ARAP2: variants seen among roughly 807,000 people sequenced by gnomAD.
The protein encoded by ARAP2 is arf-GAP with Rho-GAP domain, ANK repeat and PH domain-containing protein 2.
In ARAP2, 148 loss-of-function variants were observed where a neutral mutation model predicts 194.5. The observed-to-expected ratio is 0.76, with a 90% CI of 0.67 to 0.87. The LOEUF (loss-of-function observed/expected upper bound fraction) is 0.87, where lower values mean the gene tolerates loss of function less well. Ranked by LOEUF, ARAP2 falls within the 40% of genes least tolerant of loss-of-function variation. The pLI, the probability that ARAP2 is intolerant of heterozygous loss-of-function variation, is 0.00. For synonymous variants in ARAP2, 695 were observed against 683.5 expected, an observed-to-expected ratio of 1.02 and a Z score of -0.26; for missense variants, 2,128 against 1,989.7, an observed-to-expected ratio of 1.07 and a Z score of -1.32.
intron 5 of ARAP2, among the ~76,000 whole-genome samples, chr4:36,040,349 A>AT (rs1720642350): frequency 6.6e-6 from 1 of 152,194 alleles, no homozygotes; most frequent in African/African-American, 2.4e-5. Context: ...CTGTTGGGAA[A>AT]TTCTTAAGAA....
intron 25 of ARAP2, among the ~76,000 whole-genome samples, chr4:36,116,075 A>C (rs1468818324): frequency 2.0e-5 from 3 of 151,956 alleles, no homozygotes. Flanking sequence ...TATGATCAGC[A>C]TTATGCATTC....
At chr4:36,072,798 A>C (rs967216047) in intron 32 of ARAP2, among the ~76,000 whole-genome samples, 3 of 152,104 alleles carry the variant, frequency 2.0e-5, no homozygotes, top group Admixed American at 6.6e-5. Flanking sequence ...GCAGTAAACA[A>C]AGGACCATTA....
chr4:36,196,734 T>C (rs1185341846), intron 6 of ARAP2, among the ~76,000 whole-genome samples: 2 of 151,900 alleles, frequency 1.3e-5, no homozygotes, highest in African/African-American at 4.8e-5. Flanking sequence ...AAAGTTGGCT[T>C]CTGTGGTCAC....
chr4:36,203,586 AAAAACAAAAC>A (rs781726222), intron 6 of ARAP2, among the ~76,000 whole-genome samples: 68 of 152,122 alleles, frequency 4.5e-4, no homozygotes, highest in Middle Eastern at 6.8e-3. Context: ...TGTGTCTCAA[AAAAACAAAAC>A]AAAACAAAAC....
intron 2 of ARAP2, among the ~76,000 whole-genome samples, chr4:36,219,046 T>A (rs1560698513): frequency 6.6e-6 from 1 of 152,160 alleles, no homozygotes; most frequent in Non-Finnish European, 1.5e-5. Context: ...ACACTACACA[T>A]GTATCTACAT....
At chr4:36,110,207 G>T (rs1719549690) in intron 26 of ARAP2, among the ~76,000 whole-genome samples, 1 of 151,762 alleles carries the variant, frequency 6.6e-6, no homozygotes, top group African/African-American at 2.4e-5. Flanking sequence ...GCCTTCCCAT[G>T]ATGGTTTTCT....
At position 36,223,722 on chromosome 4, in the gene ARAP2, T is replaced by G. The variant is rs1256535157; in HGVS notation, c.905+4860A>C. On this transcript the variant is annotated intron_variant, in intron 2 of 32. Coordinates refer to ENST00000303965, the MANE Select transcript of ARAP2 (RefSeq NM_015230.4). ...TAAAAACAGAAACCAGAGATGGCTC[T>G]CTCTCTCTCTCTCTCTCAGCCCAGG... is the stretch of plus-strand genomic sequence containing the variant. 2.7e-5 allele frequency among the ~76,000 whole-genome samples: 4 copies of G among 149,360 alleles called. No homozygotes were observed. The East Asian group carries it at 7.7e-4, about 29-fold the overall frequency.
chr4:36,125,170 T>TA lies in ARAP2; in HGVS notation c.3641-204dup, dbSNP rs576725289. ...ATTTATTTACATAACATTCCAGTAT[T>TA]ATGTGCTCTAGTTCTTACAATTTGT... On this transcript the variant is annotated intron_variant, in intron 21 of 32. Transcript: ENST00000303965. Among the ~76,000 whole-genome samples, 865 of 152,104 alleles carry TA rather than the reference T, an allele frequency of 5.7e-3. 3 individuals carry two copies. The highest frequency in any genetic ancestry group is 9.3e-3 in the Non-Finnish European group (634 of 67,926).
chr4:36,123,662 C>G (rs1407377048), intron 22 of ARAP2, among the ~76,000 whole-genome samples: 1 of 151,768 alleles, frequency 6.6e-6, no homozygotes, highest in Non-Finnish European at 1.5e-5. Flanking sequence ...TTATCTGTCT[C>G]TATGCTACAT....
chr4:36,042,636 G>C (rs948903988), intron 5 of ARAP2, among the ~76,000 whole-genome samples: 1 of 152,076 alleles, frequency 6.6e-6, no homozygotes, highest in Non-Finnish European at 1.5e-5. Flanking sequence ...GTCTGGCAAG[G>C]TAACTTCAAA....
chr4:36,040,516 C>A (rs1720672936), intron 5 of ARAP2, among the ~76,000 whole-genome samples: 1 of 151,894 alleles, frequency 6.6e-6, no homozygotes, highest in African/African-American at 2.4e-5. Context: ...TTTCTGATTT[C>A]TTTGAGCAGT....
intron 5 of ARAP2, among the ~76,000 whole-genome samples, chr4:36,027,611 A>C (rs1718150194): frequency 6.6e-6 from 1 of 152,044 alleles, no homozygotes; most frequent in Non-Finnish European, 1.5e-5. Flanking sequence ...TACAGTCTTA[A>C]CAGCATGATA....
chr4:36,089,512 A>T (rs1383724981), intron 28 of ARAP2, among the ~76,000 whole-genome samples: 1 of 152,122 alleles, frequency 6.6e-6, no homozygotes, highest in East Asian at 1.9e-4. Context: ...ACTGACAAAC[A>T]GTTTTACAGA....
At chr4:36,176,065 A>T (rs1737842340) in intron 9 of ARAP2, among the ~76,000 whole-genome samples, 1 of 152,218 alleles carries the variant, frequency 6.6e-6, no homozygotes, top group Non-Finnish European at 1.5e-5. Context: ...GCTATTTCTA[A>T]AAGTTCACAA....
At chr4:36,092,392 C>T (rs1577843442) in intron 27 of ARAP2, among the ~76,000 whole-genome samples, 1 of 151,104 alleles carries the variant, frequency 6.6e-6, no homozygotes, top group East Asian at 2.0e-4. Flanking sequence ...GGCGGATTAT[C>T]TGAGGTCAGG....
intron 5 of ARAP2, among the ~76,000 whole-genome samples, chr4:36,033,187 C>G (rs1719296006): frequency 6.6e-6 from 1 of 152,166 alleles, no homozygotes; most frequent in African/African-American, 2.4e-5. Context: ...TGGGTATATA[C>G]CCAGTAATGG....
At chr4:36,110,449 T>C (rs1371565474) in intron 26 of ARAP2, among the ~76,000 whole-genome samples, 1 of 151,934 alleles carries the variant, frequency 6.6e-6, no homozygotes, top group African/African-American at 2.4e-5. Flanking sequence ...GATCTCTCAG[T>C]GAAGCCTATT....
chr4:36,217,308 T>C (rs968289557), intron 2 of ARAP2, among the ~76,000 whole-genome samples: 4 of 152,196 alleles, frequency 2.6e-5, no homozygotes, highest in African/African-American at 9.6e-5. Flanking sequence ...GGCCAGGAGT[T>C]TGAGACCAGC....
At chr4:36,189,245 AT>A (rs954011770) in intron 7 of ARAP2, among the ~76,000 whole-genome samples, 39 of 151,916 alleles carry the variant, frequency 2.6e-4, no homozygotes, top group East Asian at 2.1e-3. Flanking sequence ...CTTTTCCACT[AT>A]TTTTTTTTAA....
Sources: allele counts gnomAD v4.1 joint callset (sites outside exome capture counted in the v4.1 genomes callset), GRCh38; gene constraint gnomAD v4.1.1; transcripts MANE v1.5; gene names NCBI Gene and HGNC (gene_info 2026-07-23, HGNC 2026-07-21).